ACTR3C: variants seen among roughly 807,000 people sequenced by gnomAD.
ACTR3C encodes the protein actin-related protein 3C.
ACTR3C carries 18 observed loss-of-function variants against 26.3 expected under a neutral mutation model. The ratio of observed to expected loss-of-function variants is 0.68; its 90% CI spans 0.47 to 1.01. The LOEUF (loss-of-function observed/expected upper bound fraction) is 1.01. Among genes scored for constraint, ACTR3C ranks in the 50% least tolerant of loss-of-function variants. The pLI, the probability that ACTR3C is intolerant of heterozygous loss-of-function variation, is 0.00. For missense variants in ACTR3C, 184 were observed against 250.7 expected (o/e 0.73, Z 1.80); for synonymous variants, 55 against 94.5 (o/e 0.58, Z 2.42).
chr7:150,279,415 G>A (rs1331084997), intron 6 of ACTR3C, among the ~76,000 whole-genome samples: 1 of 152,148 alleles, frequency 6.6e-6, no homozygotes, highest in Non-Finnish European at 1.5e-5. Flanking sequence ...CAAGCAATTT[G>A]TTACAGAAAA....
chr7:149,898,870 A>G, the ACTR3C span, among the ~76,000 whole-genome samples: 4 of 152,112 alleles, frequency 2.6e-5, no homozygotes, highest in African/African-American at 9.7e-5. Flanking sequence ...GTCTATACCT[A>G]TGGAACAAGA....
At chr7:149,895,730 G>A in the ACTR3C span, among the ~76,000 whole-genome samples, 8 of 151,158 alleles carry the variant, frequency 5.3e-5, no homozygotes, top group African/African-American at 1.9e-4. Flanking sequence ...TAGCTACTTG[G>A]AAGGATCACT....
chr7:149,917,594 T>G, the ACTR3C span, among the ~76,000 whole-genome samples: 1 of 149,610 alleles, frequency 6.7e-6, no homozygotes, highest in Non-Finnish European at 1.5e-5. Flanking sequence ...TAATTTATGT[T>G]TGAAAGTAGA....
chr7:150,117,582 G>A, the ACTR3C span, among the ~76,000 whole-genome samples: 4 of 152,368 alleles, frequency 2.6e-5, no homozygotes, highest in Admixed American at 2.6e-4. Flanking sequence ...AGCAGCCCCA[G>A]TCAGGGGCAT....
chr7:149,929,841 T>C, the ACTR3C span, among the ~76,000 whole-genome samples: 4 of 152,180 alleles, frequency 2.6e-5, no homozygotes, highest in Admixed American at 6.5e-5. Context: ...AAATGACTTA[T>C]TAATTACAAA....
At chr7:150,121,836 A>G in the ACTR3C span, among the ~76,000 whole-genome samples, 2 of 151,770 alleles carry the variant, frequency 1.3e-5, no homozygotes, top group African/African-American at 4.8e-5. Context: ...TCAAACTATA[A>G]GGCTACAGTA....
At chr7:149,937,318 C>G in the ACTR3C span, among the ~76,000 whole-genome samples, 9 of 149,536 alleles carry the variant, frequency 6.0e-5, no homozygotes, top group Admixed American at 5.4e-4. Context: ...GAGGCGGAGG[C>G]TTTATTTTTG....
chr7:150,202,700 G>A, the ACTR3C span, among the ~76,000 whole-genome samples: 1 of 152,184 alleles, frequency 6.6e-6, no homozygotes, highest in East Asian at 1.9e-4. Context: ...TGATATAGCT[G>A]AGTAGATAAG....
At chr7:149,928,579 T>G in the ACTR3C span, among the ~76,000 whole-genome samples, 2 of 152,014 alleles carry the variant, frequency 1.3e-5, no homozygotes, top group South Asian at 4.1e-4. Context: ...CAGTGCCTCA[T>G]GCCTGTAATC....
the ACTR3C span, among the ~76,000 whole-genome samples, chr7:149,969,114 A>G: frequency 6.6e-6 from 1 of 152,142 alleles, no homozygotes; most frequent in African/African-American, 2.4e-5. Context: ...CAGACATCAG[A>G]GCTGGAAAGC....
chr7:150,311,638 T>C (rs1224626254), intron 1 of ACTR3C, among the ~76,000 whole-genome samples: 1 of 152,160 alleles, frequency 6.6e-6, no homozygotes, highest in Non-Finnish European at 1.5e-5. Context: ...CTAATACACA[T>C]AGCATCTTCC....
At chr7:150,154,434 G>T in the ACTR3C span, among the ~76,000 whole-genome samples, 1 of 151,530 alleles carries the variant, frequency 6.6e-6, no homozygotes, top group African/African-American at 2.4e-5. Flanking sequence ...GATTACATAG[G>T]GCGATTTGTT....
the ACTR3C span, chr7:149,892,510 C>A: frequency 0.65 from 573,484 of 886,206 alleles, 189,664 homozygotes; most frequent in East Asian, 0.77. Flanking sequence ...TGTTAGGGCT[C>A]CATGTGGGGT....
At chr7:150,307,986 C>T (rs886613896) in intron 1 of ACTR3C, among the ~76,000 whole-genome samples, 6 of 152,188 alleles carry the variant, frequency 3.9e-5, no homozygotes, top group African/African-American at 9.7e-5. Flanking sequence ...AGAGAAGACA[C>T]GTTTTATCTG....
At chr7:150,015,956 G>GCACATGGATC in the ACTR3C span, among the ~76,000 whole-genome samples, 6 of 152,018 alleles carry the variant, frequency 3.9e-5, no homozygotes, top group African/African-American at 1.4e-4. Context: ...GTTTTCCATG[G>GCACATGGATC]CACAGTGAAT....
the ACTR3C span, among the ~76,000 whole-genome samples, chr7:150,034,428 T>A: frequency 3.3e-5 from 5 of 151,444 alleles, no homozygotes; most frequent in African/African-American, 9.7e-5. Context: ...TTGTAACTCA[T>A]GAAAAACTTG....
the ACTR3C span, among the ~76,000 whole-genome samples, chr7:150,087,559 C>T: frequency 0.011 from 1,602 of 152,258 alleles, 31 homozygotes; most frequent in African/African-American, 0.037. Flanking sequence ...GGCTGTTTTC[C>T]GGCCTGGGAG....
At chr7:150,230,211 C>T in the ACTR3C span, among the ~76,000 whole-genome samples, 4 of 151,114 alleles carry the variant, frequency 2.6e-5, no homozygotes, top group African/African-American at 7.4e-5. Flanking sequence ...GGTCACAGGG[C>T]AAGACTCCAT....
the ACTR3C span, among the ~76,000 whole-genome samples, chr7:150,031,579 A>C: frequency 1.4e-3 from 208 of 152,272 alleles, 2 homozygotes; most frequent in South Asian, 0.02. Flanking sequence ...TATGCCACTG[A>C]TGTCGGTGGA....
Sources: allele counts gnomAD v4.1 joint callset (sites outside exome capture counted in the v4.1 genomes callset), GRCh38; gene constraint gnomAD v4.1.1; transcripts MANE v1.5; gene names NCBI Gene and HGNC (gene_info 2026-07-23, HGNC 2026-07-21).